The following GRM1 variants were observed in gnomAD, a reference collection of about 807,000 sequenced individuals.
The protein encoded by GRM1 is metabotropic glutamate receptor 1.
GRM1 carries 33 observed loss-of-function variants against 90.9 expected under a neutral mutation model. That is an observed-to-expected ratio of 0.36 (90% CI 0.28 to 0.49). The LOEUF (loss-of-function observed/expected upper bound fraction) is 0.49, where lower values mean the gene tolerates loss of function less well. GRM1 is among the 20% of genes least tolerant of loss of function. GRM1 has a pLI of 0.99. For missense variants in GRM1, 1,190 were observed against 1,534.3 expected, an observed-to-expected ratio of 0.78 and a Z score of 3.75; for synonymous variants, 700 against 613.2, an observed-to-expected ratio of 1.14 and a Z score of -2.09.
intron 3 of GRM1, among the ~76,000 whole-genome samples, chr6:146,306,840 A>G (rs1379783772): frequency 1.3e-5 from 2 of 152,180 alleles, no homozygotes; most frequent in South Asian, 4.1e-4. Context: ...AATCTGAGCA[A>G]CTGGAAAGAT....
intron 2 of GRM1, among the ~76,000 whole-genome samples, chr6:146,246,517 G>A (rs1045015705): frequency 1.3e-5 from 2 of 152,158 alleles, no homozygotes; most frequent in Admixed American, 6.6e-5. Context: ...TGAGAGCCAA[G>A]GGTTAAGTAC....
chr6:146,313,747 T>C (rs1329674877), intron 3 of GRM1, among the ~76,000 whole-genome samples: 1 of 152,070 alleles, frequency 6.6e-6, no homozygotes. Context: ...CCAAAAAAAT[T>C]GATCAATTTT....
intron 1 of GRM1, among the ~76,000 whole-genome samples, chr6:146,087,673 T>C (rs961975995): frequency 2.0e-5 from 3 of 152,188 alleles, no homozygotes; most frequent in Non-Finnish European, 4.4e-5. Context: ...TAAAGAATGT[T>C]ATATAAATGA....
chr6:146,133,657 T>C (rs189128010), intron 1 of GRM1, among the ~76,000 whole-genome samples: 59 of 152,290 alleles, frequency 3.9e-4, no homozygotes, highest in Non-Finnish European at 6.5e-4. Flanking sequence ...TCAGAGAGTG[T>C]TTGATAATGA....
chr6:146,184,647 C>T (rs984031051), intron 2 of GRM1, among the ~76,000 whole-genome samples: 1 of 152,082 alleles, frequency 6.6e-6, no homozygotes. Flanking sequence ...GTCTGATAGG[C>T]TATGCTATGC....
intron 2 of GRM1, among the ~76,000 whole-genome samples, chr6:146,162,311 TA>T (rs57903334): frequency 5.7e-4 from 86 of 151,658 alleles, no homozygotes; most frequent in Middle Eastern, 3.4e-3. Flanking sequence ...GAGATTTGGT[TA>T]AAAAAAAATT....
intron 5 of GRM1, among the ~76,000 whole-genome samples, chr6:146,382,277 TG>T (rs67662398): frequency 0.43 from 65,232 of 150,394 alleles, 14,289 homozygotes; most frequent in African/African-American, 0.5. Flanking sequence ...TTTGTCACTT[TG>T]GGGGAAACTA....
intron 7 of GRM1, among the ~76,000 whole-genome samples, chr6:146,419,111 C>T (rs1161755720): frequency 6.6e-6 from 1 of 152,060 alleles, no homozygotes; most frequent in Non-Finnish European, 1.5e-5. Context: ...AGGAACTTGA[C>T]AAACATGTTG....
intron 1 of GRM1, among the ~76,000 whole-genome samples, chr6:146,042,717 G>C (rs1219461349): frequency 6.6e-6 from 1 of 151,996 alleles, no homozygotes; most frequent in Non-Finnish European, 1.5e-5. Context: ...CATATTCCTA[G>C]TAGTGTTAGT....
At chr6:146,211,290 C>T (rs568759157) in intron 2 of GRM1, among the ~76,000 whole-genome samples, 2 of 151,090 alleles carry the variant, frequency 1.3e-5, no homozygotes, top group South Asian at 2.1e-4. Context: ...TCATTCATAC[C>T]TGGTGACTTG....
chr6:146,336,421 G>A (rs1354720580), intron 3 of GRM1, among the ~76,000 whole-genome samples: 1 of 152,188 alleles, frequency 6.6e-6, no homozygotes, highest in Non-Finnish European at 1.5e-5. Context: ...GATTGACTGA[G>A]AGTTAGCAAG....
At chr6:146,028,232 A>AGTGTGTGT (rs60190108), upstream of GRM1, among the ~76,000 whole-genome samples, 145 of 130,350 alleles carry the variant, frequency 1.1e-3, 2 homozygotes, top group African/African-American at 1.7e-3. Context: ...AGTGGAAGGG[A>AGTGTGTGT]GTGTGTGTGT....
At chr6:146,090,669 T>C (rs535570165) in intron 1 of GRM1, among the ~76,000 whole-genome samples, 1 of 152,122 alleles carries the variant, frequency 6.6e-6, no homozygotes, top group East Asian at 1.9e-4. Flanking sequence ...CAGACTATGA[T>C]TGCTAAGCCC....
At chr6:146,073,368 G>A (rs1017982000) in intron 1 of GRM1, among the ~76,000 whole-genome samples, 3 of 152,076 alleles carry the variant, frequency 2.0e-5, no homozygotes, top group Non-Finnish European at 4.4e-5. Context: ...GGAGAGGATT[G>A]GACTTTAAAG....
rs552986343 is a variant in GRM1, at chr6:146,314,051, CTTTTTTTTTTT to C, written c.1186+9227_1186+9237del. On this transcript the variant is annotated intron_variant, in intron 3 of 7. Transcript: ENST00000282753. Reference sequence around the variant, plus strand: ...CACTGTATATATCAATAGTTAATTCCTTTTTTTTTTTTTTTTTTTTTTTTTTTTTTTTGGAG... The same window carrying C: ...CACTGTATATATCAATAGTTAATTCCTTTTTTTTTTTTTTTTTTTTTGGAG... 3.1e-3 allele frequency among the ~76,000 whole-genome samples: 193 copies of C among 61,982 alleles called. 2 individuals carry two copies. Among genetic ancestry groups the C allele is most frequent in the East Asian group, 4.9e-3 (7 of 1,442 alleles). 40.7% of individuals were successfully genotyped at this position (61,982 alleles called of 152,430 possible).
Position 146,129,576 on chromosome 6 carries a change from G to A in GRM1, c.701-29772G>A, listed in dbSNP as rs374180291. On this transcript the variant is annotated intron_variant, in intron 1 of 7. Transcript: ENST00000282753. ...CAACTTGGGAAGATGACAAGGACTT[G>A]TGGCCTTTGATTCATCTTGAGCTGA... 7.9e-5 allele frequency among the ~76,000 whole-genome samples: 12 copies of A among 152,302 alleles called. No homozygotes were observed. The South Asian group carries it at 2.5e-3, about 32-fold the overall frequency.
At chr6:146,409,310 A>G (rs1777475245) in intron 7 of GRM1, among the ~76,000 whole-genome samples, 1 of 152,198 alleles carries the variant, frequency 6.6e-6, no homozygotes, top group Non-Finnish European at 1.5e-5. Flanking sequence ...CCCAAAGAGA[A>G]TGACTGAATT....
chr6:146,066,668 C>A (rs1258305176), intron 1 of GRM1, among the ~76,000 whole-genome samples: 1 of 152,152 alleles, frequency 6.6e-6, no homozygotes, highest in Middle Eastern at 3.4e-3. Flanking sequence ...TTACATTCCA[C>A]CAACAGTGTA....
intron 5 of GRM1, among the ~76,000 whole-genome samples, chr6:146,368,144 T>C (rs143158084): frequency 6.6e-6 from 1 of 152,142 alleles, no homozygotes; most frequent in African/African-American, 2.4e-5. Context: ...AATGCTTTTT[T>C]ATTTCTTCTT....
Sources: gnomAD v4.1 joint callset for allele counts (sites outside exome capture counted in the v4.1 genomes callset) on GRCh38, gnomAD v4.1.1 for gene constraint, MANE v1.5 for transcripts, NCBI Gene and HGNC (gene_info 2026-07-23, HGNC 2026-07-21) for gene names.